Variants in UNC5C observed in about 807,000 individuals in gnomAD.
UNC5C encodes the protein netrin receptor UNC5C.
A neutral mutation model predicts 99.8 loss-of-function variants in UNC5C; 47 were observed. The ratio of observed to expected loss-of-function variants is 0.47; its 90% CI spans 0.37 to 0.60. UNC5C has a LOEUF of 0.60. UNC5C is among the 20% of genes least tolerant of loss of function. The pLI is 0.00. For synonymous variants in UNC5C, 487 were observed against 452.2 expected (o/e 1.08, Z -0.98); for missense variants, 1,062 against 1,165.9 (o/e 0.91, Z 1.30).
At chr4:95,384,878 G>T (rs1745170848) in intron 1 of UNC5C, among the ~76,000 whole-genome samples, 1 of 152,138 alleles carries the variant, frequency 6.6e-6, no homozygotes, top group Non-Finnish European at 1.5e-5. Context: ...ACCTCTGATT[G>T]TATGTGGTTA....
intron 14 of UNC5C, among the ~76,000 whole-genome samples, chr4:95,176,730 C>A (rs1279609230): frequency 6.6e-6 from 1 of 152,246 alleles, no homozygotes; most frequent in Admixed American, 6.5e-5. Context: ...GTGGAGCCTG[C>A]AGAGGCAGGC....
chr4:95,508,857 A>T (rs1332601948), intron 1 of UNC5C, among the ~76,000 whole-genome samples: 1 of 151,934 alleles, frequency 6.6e-6, no homozygotes, highest in Non-Finnish European at 1.5e-5. Context: ...TCCCAAATTT[A>T]TTGGAGGAGT....
intron 14 of UNC5C, among the ~76,000 whole-genome samples, chr4:95,171,199 A>G (rs1736085928): frequency 6.6e-6 from 1 of 151,942 alleles, no homozygotes; most frequent in Non-Finnish European, 1.5e-5. Context: ...TCTACTATAA[A>G]TGCCATCTCT....
At chr4:95,478,415 T>C (rs144251894) in intron 1 of UNC5C, among the ~76,000 whole-genome samples, 1 of 152,152 alleles carries the variant, frequency 6.6e-6, no homozygotes, top group Non-Finnish European at 1.5e-5. Flanking sequence ...TTGCTTTGCA[T>C]ATCAGCTAAT....
chr4:95,230,260 G>T lies in UNC5C; in HGVS notation c.1109-10084C>A, dbSNP rs1033005577. On this transcript the variant is annotated intron_variant, in intron 7 of 15. Coordinates refer to ENST00000453304, the MANE Select transcript of UNC5C (RefSeq NM_003728.4). The stretch of plus-strand genomic sequence containing the variant: ...AAATGTCTTCTTTTGAGAAATGTCT[G>T]TTCTTATTGTTTGCCCACTTTTTGA... Among the ~76,000 whole-genome samples, 20 of 152,232 alleles carry T rather than the reference G, an allele frequency of 1.3e-4. 1 individual carries two copies. Among genetic ancestry groups the T allele is most frequent in the African/African-American group, 4.1e-4 (17 of 41,530 alleles).
intron 11 of UNC5C, 116 bp from the exon 12 acceptor site, chr4:95,203,080 C>T (rs1737747948): frequency 2.4e-6 from 2 of 839,366 alleles, no homozygotes; most frequent in Non-Finnish European, 3.8e-6. Flanking sequence ...TCTTTTTTCT[C>T]TCTCAGAGTT....
At chr4:95,304,496 A>G (rs995611914) in intron 2 of UNC5C, among the ~76,000 whole-genome samples, 6 of 151,944 alleles carry the variant, frequency 3.9e-5, no homozygotes, top group Admixed American at 6.6e-5. Context: ...ATTTTTTCAC[A>G]TTATTCCAAT....
chr4:95,228,882 T>C (rs998580047), intron 7 of UNC5C, among the ~76,000 whole-genome samples: 5 of 152,114 alleles, frequency 3.3e-5, no homozygotes, highest in African/African-American at 2.4e-5. Flanking sequence ...TTCCAAACAG[T>C]GTCTTCTGTT....
intron 1 of UNC5C, among the ~76,000 whole-genome samples, chr4:95,400,049 T>A (rs559898751): frequency 1.3e-5 from 2 of 152,274 alleles, no homozygotes; most frequent in African/African-American, 4.8e-5. Context: ...TTGTTATAGA[T>A]AAAGGTAGCC....
chr4:95,308,239 A>G (rs988916078), intron 2 of UNC5C, among the ~76,000 whole-genome samples: 2 of 152,212 alleles, frequency 1.3e-5, no homozygotes, highest in Non-Finnish European at 2.9e-5. Flanking sequence ...AAATTAATAA[A>G]TGAATTCAGT....
intron 1 of UNC5C, among the ~76,000 whole-genome samples, chr4:95,547,467 G>A (rs1014701921): frequency 2.0e-5 from 3 of 152,102 alleles, no homozygotes; most frequent in Admixed American, 6.5e-5. Flanking sequence ...AACATCACCT[G>A]GGGAGTTGGG....
chr4:95,492,582 A>G (rs1463000641), intron 1 of UNC5C, among the ~76,000 whole-genome samples: 2 of 151,362 alleles, frequency 1.3e-5, no homozygotes, highest in African/African-American at 4.8e-5. Context: ...TTAAGATTTA[A>G]AAGTATATTT....
At chr4:95,205,206 A>C (rs1415216516) in intron 11 of UNC5C, among the ~76,000 whole-genome samples, 1 of 152,152 alleles carries the variant, frequency 6.6e-6, no homozygotes, top group African/African-American at 2.4e-5. Flanking sequence ...GTTTATTGTT[A>C]ATGTCGTTGT....
chr4:95,256,533 C>T (rs566051787), intron 4 of UNC5C, among the ~76,000 whole-genome samples: 4 of 151,930 alleles, frequency 2.6e-5, no homozygotes, highest in East Asian at 2.0e-4. Flanking sequence ...AAGTCACTAT[C>T]GTTTCCTTCC....
chr4:95,287,588 A>G (rs1269926800), intron 3 of UNC5C, among the ~76,000 whole-genome samples: 2 of 152,196 alleles, frequency 1.3e-5, no homozygotes, highest in Non-Finnish European at 2.9e-5. Context: ...TCGTGTGTCT[A>G]TACCTAACTG....
intron 1 of UNC5C, among the ~76,000 whole-genome samples, chr4:95,452,451 T>G (rs1747304663): frequency 6.6e-6 from 1 of 152,272 alleles, no homozygotes; most frequent in East Asian, 1.9e-4. Flanking sequence ...ACGGAGGGTT[T>G]CACCAGGGGA....
At chr4:95,413,245 C>T (rs1171703475) in intron 1 of UNC5C, among the ~76,000 whole-genome samples, 2 of 152,112 alleles carry the variant, frequency 1.3e-5, no homozygotes, top group Non-Finnish European at 2.9e-5. Flanking sequence ...CTGCAGTGGC[C>T]TCTCCTCCTC....
chr4:95,514,414 T>C (rs1460680138), intron 1 of UNC5C, among the ~76,000 whole-genome samples: 1 of 151,956 alleles, frequency 6.6e-6, no homozygotes, highest in Non-Finnish European at 1.5e-5. Context: ...TTTATAGTTC[T>C]ATTGGCCTTA....
At chr4:95,434,842 T>C (rs1171593305) in intron 1 of UNC5C, among the ~76,000 whole-genome samples, 1 of 152,014 alleles carries the variant, frequency 6.6e-6, no homozygotes, top group East Asian at 1.9e-4. Context: ...CTCCAGAATA[T>C]GAAAGCACAG....
Sources: allele counts gnomAD v4.1 joint callset (sites outside exome capture counted in the v4.1 genomes callset), GRCh38; gene constraint gnomAD v4.1.1; transcripts MANE v1.5; gene names NCBI Gene and HGNC (gene_info 2026-07-23, HGNC 2026-07-21).